Variants in CADM2 observed in about 807,000 individuals in gnomAD.
CADM2 encodes cell adhesion molecule 2, also known as immunoglobulin superfamily member 4D.
A neutral mutation model predicts 49.8 loss-of-function variants in CADM2; 12 were observed. That is an observed-to-expected ratio of 0.24 (90% CI 0.15 to 0.39). The LOEUF (loss-of-function observed/expected upper bound fraction) is 0.39. CADM2 is among the 10% of genes least tolerant of loss of function. The pLI, the probability that CADM2 is intolerant of heterozygous loss-of-function variation, is 1.00. For synonymous variants in CADM2, 214 were observed against 175.4 expected, an observed-to-expected ratio of 1.22 and a Z score of -1.74; for missense variants, 378 against 492.3, an observed-to-expected ratio of 0.77 and a Z score of 2.20.
intron 1 of CADM2, among the ~76,000 whole-genome samples, chr3:85,271,873 G>A (rs1240669626): frequency 6.6e-6 from 1 of 150,816 alleles, no homozygotes; most frequent in Admixed American, 6.6e-5. Flanking sequence ...AGAAAATAGG[G>A]ATTACTTAAT....
At chr3:85,763,273 T>C (rs548505980) in intron 2 of CADM2, among the ~76,000 whole-genome samples, 90 of 152,304 alleles carry the variant, frequency 5.9e-4, no homozygotes, top group Middle Eastern at 6.8e-3. Flanking sequence ...TTATTTGGTA[T>C]CCCATGCTAA....
intron 1 of CADM2, among the ~76,000 whole-genome samples, chr3:85,100,688 A>C (rs2037978316): frequency 3.9e-5 from 6 of 152,212 alleles, no homozygotes. Flanking sequence ...ACTCATACAC[A>C]CTTTGGAATG....
intron 8 of CADM2, among the ~76,000 whole-genome samples, chr3:86,018,959 A>G (rs1411633240): frequency 1.4e-5 from 2 of 143,882 alleles, no homozygotes; most frequent in East Asian, 2.0e-4. Flanking sequence ...GCCCATGCCT[A>G]TGTCCTGAAT....
At chr3:85,533,985 A>T (rs1456933662) in intron 1 of CADM2, among the ~76,000 whole-genome samples, 1 of 152,208 alleles carries the variant, frequency 6.6e-6, no homozygotes, top group Non-Finnish European at 1.5e-5. Flanking sequence ...TGCCATAGTC[A>T]AAGAAGCTAA....
chr3:85,734,978 A>ATGTGTGTGTG (rs142565193), intron 2 of CADM2, among the ~76,000 whole-genome samples: 8 of 148,230 alleles, frequency 5.4e-5, no homozygotes, highest in South Asian at 2.1e-4. Flanking sequence ...AAATATATAT[A>ATGTGTGTGTG]TGTGTGTGTG....
In CADM2 at chr3:85,894,486, T is replaced by TA. The variant is rs1347361301; in HGVS notation, c.529+8162dup. Among the ~76,000 whole-genome samples, 5 of 151,822 alleles carry TA rather than the reference T, an allele frequency of 3.3e-5. No individual in the cohort carries two copies. In the East Asian group the frequency reaches 9.7e-4, roughly 29 times the overall value. On this transcript the variant is annotated intron_variant, in intron 5 of 9. Transcript: ENST00000383699. ...TGTTGTGCACATGTACCCTAAAACT[T>TA]AAAGTATAAAAAAAAAACCCCATTT...
chr3:85,423,964 A>G (rs1314737779), intron 1 of CADM2, among the ~76,000 whole-genome samples: 1 of 151,984 alleles, frequency 6.6e-6, no homozygotes, highest in African/African-American at 2.4e-5. Context: ...TCCTCTTTCA[A>G]CCTCGTTCTT....
chr3:85,359,390 G>C (rs2032139072), intron 1 of CADM2, among the ~76,000 whole-genome samples: 1 of 151,542 alleles, frequency 6.6e-6, no homozygotes, highest in African/African-American at 2.4e-5. Flanking sequence ...GGGACAATAA[G>C]AGGCAGGGGC....
intron 1 of CADM2, among the ~76,000 whole-genome samples, chr3:85,693,925 A>C (rs1480681416): frequency 6.6e-6 from 1 of 151,298 alleles, no homozygotes; most frequent in African/African-American, 2.4e-5. Flanking sequence ...GAAAAAAAAA[A>C]GAAAAGAAAA....
intron 1 of CADM2, among the ~76,000 whole-genome samples, chr3:85,135,516 A>G (rs1341194312): frequency 6.6e-6 from 1 of 152,100 alleles, no homozygotes; most frequent in Non-Finnish European, 1.5e-5. Context: ...TTCACAATCA[A>G]AAGCACATAT....
chr3:85,827,897 C>T (rs1368059649), intron 3 of CADM2: 2 of 151,836 alleles, frequency 1.3e-5, no homozygotes, highest in East Asian at 1.9e-4. Context: ...TCCCATTGCC[C>T]GGGCTCTGTT....
At chr3:84,984,375 A>AC (rs1424058649) in intron 1 of CADM2, among the ~76,000 whole-genome samples, 2 of 126,218 alleles carry the variant, frequency 1.6e-5, no homozygotes, top group African/African-American at 5.5e-5. Flanking sequence ...AAAAAAAAAA[A>AC]AAAAAAAAAA....
rs146829515 is a variant in CADM2, at chr3:85,081,717, T to G, written c.61+122049T>G. On this transcript the variant is annotated intron_variant, in intron 1 of 9. Transcript: ENST00000383699. ...CCTCAGCTCTGTCTAACAGCTCCAC[T>G]CCAGGGCATCGAGGAAGAGGCCGGC... 5.7e-3 allele frequency among the ~76,000 whole-genome samples: 871 copies of G among 152,214 alleles called. 12 individuals carry two copies. Among genetic ancestry groups the G allele is most frequent in the African/African-American group, 0.02 (829 of 41,526 alleles).
chr3:85,471,775 A>G (rs889419301), intron 1 of CADM2, among the ~76,000 whole-genome samples: 1 of 150,672 alleles, frequency 6.6e-6, no homozygotes, highest in African/African-American at 2.4e-5. Flanking sequence ...GCTGACAGAG[A>G]CAAAATATCA....
intron 2 of CADM2, among the ~76,000 whole-genome samples, chr3:85,790,771 A>C (rs1196908552): frequency 6.6e-6 from 1 of 152,164 alleles, no homozygotes; most frequent in Non-Finnish European, 1.5e-5. Flanking sequence ...TGGCCTTGCA[A>C]GACCCAGCTG....
chr3:84,962,136 G>A (rs2107040995), intron 1 of CADM2, among the ~76,000 whole-genome samples: 1 of 127,808 alleles, frequency 7.8e-6, no homozygotes, highest in Admixed American at 8.1e-5. Flanking sequence ...ACCAGCATTA[G>A]GTCCAATAAA....
intron 8 of CADM2, among the ~76,000 whole-genome samples, chr3:86,064,046 A>AAT (rs936360538): frequency 6.9e-4 from 104 of 150,372 alleles, no homozygotes; most frequent in African/African-American, 9.3e-4. Context: ...CTTTTTTTTT[A>AAT]ATATATATAT....
At chr3:85,417,610 ACTAACGGTTG>A (rs1191605690) in intron 1 of CADM2, among the ~76,000 whole-genome samples, 2 of 152,140 alleles carry the variant, frequency 1.3e-5, no homozygotes, top group African/African-American at 4.8e-5. Context: ...ATTATTTTAA[ACTAACGGTTG>A]CTGGAAGTTA....
intron 1 of CADM2, among the ~76,000 whole-genome samples, chr3:85,589,506 A>C (rs1364194057): frequency 6.6e-6 from 1 of 152,032 alleles, no homozygotes; most frequent in Non-Finnish European, 1.5e-5. Flanking sequence ...CATAGGTACC[A>C]GATTCCATGC....
Sources: allele counts gnomAD v4.1 joint callset (sites outside exome capture counted in the v4.1 genomes callset), GRCh38; gene constraint gnomAD v4.1.1; transcripts MANE v1.5; gene names NCBI Gene and HGNC (gene_info 2026-07-23, HGNC 2026-07-21).